Variants in ZBTB20 observed in about 807,000 individuals in gnomAD.
The protein encoded by ZBTB20 is zinc finger and BTB domain containing 20, also known as zinc finger and BTB domain-containing protein 20.
Under a neutral mutation model 56.9 loss-of-function variants are expected in ZBTB20, and 9 were observed. That is an observed-to-expected ratio of 0.16 (90% CI 0.10 to 0.28). The LOEUF is 0.28. Among genes scored for constraint, ZBTB20 ranks in the 10% least tolerant of loss-of-function variants. The pLI is 1.00. For synonymous variants in ZBTB20, 417 were observed against 420.7 expected (o/e 0.99, Z 0.11); for missense variants, 655 against 1,003.0 (o/e 0.65, Z 4.69).
At chr3:114,374,376 A>C (rs2083378167) in intron 10 of ZBTB20, among the ~76,000 whole-genome samples, 1 of 152,244 alleles carries the variant, frequency 6.6e-6, no homozygotes. Context: ...TGCTTAACTG[A>C]TACGGAATTT....
rs2041239122 is a variant in ZBTB20 at position 114,479,192 on chromosome 3, C to T, written c.-255+21160G>A. Among the ~76,000 whole-genome samples, 8 of 152,148 alleles carry T rather than the reference C, an allele frequency of 5.3e-5. No individual in the cohort carries two copies. The South Asian group carries it at 1.2e-3, about 24-fold the overall frequency. ...TTTGCTAGCCTGTTACTCAGTTACA[C>T]TGAAACATGATGCAAACTGACTCAA... On this transcript the variant is annotated intron_variant, in intron 7 of 11. Coordinates refer to ENST00000675478, the MANE Select transcript of ZBTB20 (RefSeq NM_001348800.3).
intron 5 of ZBTB20, among the ~76,000 whole-genome samples, chr3:114,709,597 C>A (rs1288989717): frequency 1.3e-5 from 2 of 152,130 alleles, no homozygotes; most frequent in Non-Finnish European, 2.9e-5. Context: ...TTAGGAGGGG[C>A]AAATGTTCTG....
At chr3:114,691,573 G>A in intron 6 of ZBTB20, among the ~76,000 whole-genome samples, 1 of 151,362 alleles carries the variant, frequency 6.6e-6, no homozygotes, top group East Asian at 1.9e-4. Flanking sequence ...GCTCTTATTG[G>A]GCATTTAGGT....
At chr3:114,748,937 T>A (rs1346165959) in intron 5 of ZBTB20, among the ~76,000 whole-genome samples, 1 of 152,158 alleles carries the variant, frequency 6.6e-6, no homozygotes, top group African/African-American at 2.4e-5. Context: ...ATAAAAACAA[T>A]TCTTCAGAAA....
At chr3:115,128,416 C>T (rs989213663) in intron 1 of ZBTB20, among the ~76,000 whole-genome samples, 1 of 152,012 alleles carries the variant, frequency 6.6e-6, no homozygotes, top group African/African-American at 2.4e-5. Context: ...GTAATCCCAA[C>T]ACTTTGGGAG....
intron 6 of ZBTB20, among the ~76,000 whole-genome samples, chr3:114,663,460 C>A (rs1487497138): frequency 1.3e-5 from 2 of 148,668 alleles, no homozygotes; most frequent in African/African-American, 5.0e-5. Context: ...ACCATCGAGA[C>A]TAGGAAGAAA....
intron 1 of ZBTB20, among the ~76,000 whole-genome samples, chr3:115,110,030 C>T (rs1240059294): frequency 6.6e-6 from 1 of 151,706 alleles, no homozygotes; most frequent in East Asian, 1.9e-4. Context: ...GCCAACATGG[C>T]GAAACTCCGT....
At chr3:114,894,572 G>T (rs1256538903) in intron 4 of ZBTB20, among the ~76,000 whole-genome samples, 1 of 152,088 alleles carries the variant, frequency 6.6e-6, no homozygotes, top group Non-Finnish European at 1.5e-5. Context: ...AATTAGGGTG[G>T]GCCTGAATTC....
At chr3:114,830,038 A>T (rs2073761998) in intron 4 of ZBTB20, among the ~76,000 whole-genome samples, 1 of 151,956 alleles carries the variant, frequency 6.6e-6, no homozygotes. Flanking sequence ...ACTCATTAAA[A>T]TGTATGCATC....
chr3:115,020,284 A>T (rs1220639133), intron 2 of ZBTB20, among the ~76,000 whole-genome samples: 1 of 151,140 alleles, frequency 6.6e-6, no homozygotes, highest in East Asian at 1.9e-4. Flanking sequence ...GTTATGCTAC[A>T]CCTATAAATT....
At chr3:115,033,207 T>C (rs1182807691) in intron 2 of ZBTB20, among the ~76,000 whole-genome samples, 1 of 151,106 alleles carries the variant, frequency 6.6e-6, no homozygotes, top group Non-Finnish European at 1.5e-5. Flanking sequence ...GAAATAAAAA[T>C]GATTATAAAA....
intron 10 of ZBTB20, among the ~76,000 whole-genome samples, chr3:114,365,032 G>C (rs2082260867): frequency 6.6e-6 from 1 of 152,160 alleles, no homozygotes; most frequent in African/African-American, 2.4e-5. Flanking sequence ...GTACAGGATT[G>C]ATGTTCTGAA....
intron 6 of ZBTB20, among the ~76,000 whole-genome samples, chr3:114,641,868 T>C (rs2059580855): frequency 6.6e-6 from 1 of 152,030 alleles, no homozygotes; most frequent in African/African-American, 2.4e-5. Flanking sequence ...AGACTCTCAC[T>C]GTTTTTCATT....
chr3:114,525,171 G>T (rs769494677), intron 6 of ZBTB20, among the ~76,000 whole-genome samples: 2 of 151,904 alleles, frequency 1.3e-5, no homozygotes, highest in African/African-American at 4.8e-5. Flanking sequence ...GTTGGGGGGG[G>T]TGTCTATTTT....
chr3:115,092,627 G>A (rs2083239282), intron 1 of ZBTB20, among the ~76,000 whole-genome samples: 1 of 152,040 alleles, frequency 6.6e-6, no homozygotes, highest in Non-Finnish European at 1.5e-5. Context: ...CTTGCTATTG[G>A]CAAGGCAGTG....
chr3:114,637,304 A>G (rs2059332106), intron 6 of ZBTB20, among the ~76,000 whole-genome samples: 4 of 152,110 alleles, frequency 2.6e-5, no homozygotes, highest in Admixed American at 2.0e-4. Flanking sequence ...ACATGGAGAA[A>G]AAGTGAGCAA....
chr3:114,712,073 T>A (rs1009272600), intron 5 of ZBTB20, among the ~76,000 whole-genome samples: 1 of 152,140 alleles, frequency 6.6e-6, no homozygotes, highest in Non-Finnish European at 1.5e-5. Context: ...CAGCGATCAG[T>A]GAGTATTAAA....
intron 7 of ZBTB20, among the ~76,000 whole-genome samples, chr3:114,439,854 C>T (rs10934273): frequency 1 from 152,316 of 152,334 alleles, 76,149 homozygotes; most frequent in Middle Eastern, 1. Context: ...CCAATTGCTA[C>T]ATCCTTGATT....
intron 5 of ZBTB20, among the ~76,000 whole-genome samples, chr3:114,767,911 C>A (rs915891723): frequency 7.2e-5 from 11 of 152,076 alleles, no homozygotes; most frequent in African/African-American, 2.4e-4. Flanking sequence ...TCAACCTTCT[C>A]TCCAAGGAAG....
Sources: gnomAD v4.1 joint callset for allele counts (sites outside exome capture counted in the v4.1 genomes callset) on GRCh38, gnomAD v4.1.1 for gene constraint, MANE v1.5 for transcripts, NCBI Gene and HGNC (gene_info 2026-07-23, HGNC 2026-07-21) for gene names.